Variants in PRRC2B observed in about 807,000 individuals in gnomAD.
PRRC2B encodes the protein protein PRRC2B.
PRRC2B carries 68 observed loss-of-function variants against 242.3 expected under a neutral mutation model. The observed-to-expected ratio is 0.28, with a 90% CI of 0.23 to 0.34. The LOEUF is 0.34. Ranked by LOEUF, PRRC2B falls within the 10% of genes least tolerant of loss-of-function variation. The pLI is 1.00. For synonymous variants in PRRC2B, 1,228 were observed against 1,173.6 expected (o/e 1.05, Z -0.95); for missense variants, 2,835 against 2,954.8 (o/e 0.96, Z 0.94).
chr9:131,436,574 G>A (rs374833412), intron 3 of PRRC2B, 46 bp from the exon 4 acceptor site: 165 of 1,500,030 alleles, frequency 1.1e-4, no homozygotes, highest in Non-Finnish European at 1.4e-4. Flanking sequence ...GACCTGGCCA[G>A]CGCACTCTGT....
rs1373519593 is a variant in PRRC2B at position 131,468,702 on chromosome 9, A to C, written c.1911+949A>C. Among the ~76,000 whole-genome samples the C allele has an allele frequency of 2.0e-5, 3 of 152,226 alleles. No individual in the cohort carries two copies. The East Asian group carries it at 5.8e-4, about 29-fold the overall frequency. Reference sequence around the variant, plus strand: ...CACACCAAACAGCAAGGTGTGCAGTAAATTATTACTAATATTAATTGAAAA... The same window carrying C: ...CACACCAAACAGCAAGGTGTGCAGTCAATTATTACTAATATTAATTGAAAA... On this transcript the variant is annotated intron_variant, in intron 13 of 31. Transcript: ENST00000683519.
chr9:131,475,405 G>A lies in PRRC2B; in HGVS notation c.3276G>A (p.Gly1092=). 1 of 1,579,260 alleles carries A rather than the reference G, an allele frequency of 6.3e-7. No individual in the cohort carries two copies. Among genetic ancestry groups the A allele is most frequent in the Non-Finnish European group, 8.6e-7 (1 of 1,164,094 alleles). ...GGNGSGLCGG[G]VLGARSIYCS... is the part of the protein sequence containing the mutation. Reference sequence around the variant, plus strand: ...ATGGGAGCGGCCTCTGTGGTGGGGGGGTCCTGGGGGCCCGCAGCATCTACT... The same window carrying A: ...ATGGGAGCGGCCTCTGTGGTGGGGGAGTCCTGGGGGCCCGCAGCATCTACT... Residue 1092 remains glycine (G), a synonymous_variant, in exon 16 of 32, where the codon GGG becomes GGA. Transcript: ENST00000683519.
chr9:131,469,217 C>T (rs1046914448), intron 13 of PRRC2B, among the ~76,000 whole-genome samples: 4 of 152,096 alleles, frequency 2.6e-5, no homozygotes, highest in East Asian at 1.9e-4. Flanking sequence ...ACCTGTAATC[C>T]GAGCTACTCA....
intron 1 of PRRC2B, among the ~76,000 whole-genome samples, chr9:131,401,479 AGC>A (rs1837225803): frequency 7.0e-6 from 1 of 143,878 alleles, no homozygotes; most frequent in African/African-American, 2.6e-5. Flanking sequence ...CCTCTTGTGT[AGC>A]TGGGATTACA....
intron 14 of PRRC2B, 76 bp downstream of exon 14, chr9:131,471,059 A>G (rs1297444986): frequency 1.9e-6 from 2 of 1,048,784 alleles, no homozygotes; most frequent in Non-Finnish European, 2.8e-6. Context: ...CTCTCGAGTT[A>G]AACAGATACA....
At chr9:131,473,376 G>A (rs1157437026) in intron 14 of PRRC2B, 132 bp from the exon 15 acceptor site, 13 of 651,884 alleles carry the variant, frequency 2.0e-5, no homozygotes, top group East Asian at 1.6e-4. Flanking sequence ...CCTATGATGT[G>A]TAGGTGGGTG....
At chr9:131,420,746 G>A (rs945100839) in intron 1 of PRRC2B, among the ~76,000 whole-genome samples, 2 of 151,748 alleles carry the variant, frequency 1.3e-5, no homozygotes, top group Admixed American at 6.6e-5. Context: ...GCCTCCCAAA[G>A]TGCTAGGATT....
chr9:131,420,505 T>TCTCTCTTTCTCTC (rs1472671577), intron 1 of PRRC2B, among the ~76,000 whole-genome samples: 1 of 37,036 alleles, frequency 2.7e-5, no homozygotes, highest in African/African-American at 8.5e-5. Flanking sequence ...TTTTTTTTTT[T>TCTCTCTTTCTCTC]TTTTTGAGAT....
At chr9:131,434,515 TG>T (rs1249818749) in intron 3 of PRRC2B, among the ~76,000 whole-genome samples, 2 of 152,224 alleles carry the variant, frequency 1.3e-5, no homozygotes, top group African/African-American at 4.8e-5. Context: ...GCCCACAACG[TG>T]GGGACTCAGT....
chr9:131,447,529 C>A, intron 8 of PRRC2B, 133 bp from the exon 9 acceptor site: 3 of 1,006,380 alleles, frequency 3.0e-6, no homozygotes, highest in Non-Finnish European at 4.2e-6. Context: ...TTATATATTT[C>A]TTTTAAAGGA....
rs140763750 is a variant in PRRC2B, at chr9:131,493,983, A to C, written c.6474-422A>C. Among the ~76,000 whole-genome samples the C allele has an allele frequency of 2.4e-3, 362 of 152,290 alleles. 2 individuals carry two copies. Among genetic ancestry groups the C allele is most frequent in the African/African-American group, 8.3e-3 (343 of 41,550 alleles). ...TGGTTCCCCCATCCCCTTTTCTGAA[A>C]AGTGAAGACTAGAACAATACTCGGC... On this transcript the variant is annotated intron_variant, in intron 30 of 31. Transcript: ENST00000683519.
intron 5 of PRRC2B, among the ~76,000 whole-genome samples, chr9:131,439,883 A>T (rs56041128): frequency 0.011 from 1,520 of 142,968 alleles, 24 homozygotes; most frequent in Non-Finnish European, 0.013. Flanking sequence ...ACAGGTGTGT[A>T]CCACGACATC....
At chr9:131,483,583 G>T in intron 23 of PRRC2B, 138 bp downstream of exon 23, 1 of 750,788 alleles carries the variant, frequency 1.3e-6, no homozygotes, top group Non-Finnish European at 2.3e-6. Context: ...GTCCTTAAAA[G>T]GTGCTTAAAT....
chr9:131,481,844 ATGAGTGTG>A (rs766016982), intron 20 of PRRC2B, 36 bp downstream of exon 20: 2 of 1,522,016 alleles, frequency 1.3e-6, no homozygotes, highest in Non-Finnish European at 1.8e-6. Context: ...TGCCCCTGGG[ATGAGTGTG>A]TGAGTGTGTG....
At chr9:131,452,921 T>G (rs1942966116) in intron 9 of PRRC2B, among the ~76,000 whole-genome samples, 1 of 152,214 alleles carries the variant, frequency 6.6e-6, no homozygotes, top group African/African-American at 2.4e-5. Context: ...CAGTGTCATG[T>G]TTTGTATGTT....
In PRRC2B at chr9:131,476,435, G is replaced by C; in HGVS notation, c.4306G>C (p.Glu1436Gln). The change falls in exon 16 of 32, where the codon GAG becomes CAG. Residue 1436 changes from glutamate (E) to glutamine (Q), a missense_variant. Physicochemically the swap from Glu to Gln is conservative, Grantham distance 29 (BLOSUM62 2). Around this residue, in one of 7 missense-constraint regions of PRRC2B, gnomAD observed 1,536 missense variants for 1,483.1 expected, o/e 1.04. Transcript: ENST00000683519. ...GGTTGACAGACAGAGCCGAAAGCTG[G>C]AGCCGGGAGGGTTTGGGGAGAAGCC... The part of the protein sequence containing the change: ...PVVDRQSRKL[E>Q]PGGFGEKPVR... 1 of 1,612,810 alleles carries C rather than the reference G, an allele frequency of 6.2e-7. No individual in the cohort carries two copies. Among genetic ancestry groups the C allele is most frequent in the Non-Finnish European group, 8.5e-7 (1 of 1,179,496 alleles).
At chr9:131,432,379 A>G (rs1191154822) in intron 2 of PRRC2B, among the ~76,000 whole-genome samples, 1 of 152,122 alleles carries the variant, frequency 6.6e-6, no homozygotes, top group Non-Finnish European at 1.5e-5. Flanking sequence ...AGTGAAATGG[A>G]AGCCTTTTTA....
At chr9:131,454,280 C>T (rs1313415214) in intron 9 of PRRC2B, among the ~76,000 whole-genome samples, 1 of 152,246 alleles carries the variant, frequency 6.6e-6, no homozygotes, top group Non-Finnish European at 1.5e-5. Context: ...GTGATGGATA[C>T]TTTCTGCCAT....
intron 1 of PRRC2B, among the ~76,000 whole-genome samples, chr9:131,394,722 C>T (rs1836994814): frequency 6.6e-6 from 1 of 151,578 alleles, no homozygotes; most frequent in Non-Finnish European, 1.5e-5. Context: ...GAGGCGGGAT[C>T]CTGCGGGGTC....
Sources: gnomAD v4.1 joint callset for allele counts (sites outside exome capture counted in the v4.1 genomes callset) on GRCh38, gnomAD v4.1.1 for gene constraint, gnomAD v4.1.1 regional missense constraint, MANE v1.5 for transcripts, NCBI Gene and HGNC (gene_info 2026-07-23, HGNC 2026-07-21) for gene names.